Variants in DLGAP2 observed in about 807,000 individuals in gnomAD.
DLGAP2 encodes the protein disks large-associated protein 2.
In DLGAP2, 26 loss-of-function variants were observed where a neutral mutation model predicts 100.3. The observed-to-expected ratio is 0.26, with a 90% CI of 0.19 to 0.36. The LOEUF is 0.36. Among genes scored for constraint, DLGAP2 ranks in the 10% least tolerant of loss-of-function variants. The pLI is 1.00. For synonymous variants in DLGAP2, 886 were observed against 630.1 expected (o/e 1.41, Z -6.08); for missense variants, 1,858 against 1,453.2 (o/e 1.28, Z -4.53).
chr8:1,433,997 C>T (rs1340810902), intron 3 of DLGAP2, among the ~76,000 whole-genome samples: 2 of 152,090 alleles, frequency 1.3e-5, no homozygotes, highest in East Asian at 1.9e-4. Flanking sequence ...AAAGAAGGGA[C>T]TTGGGCATCT....
intron 1 of DLGAP2, among the ~76,000 whole-genome samples, chr8:764,852 A>G (rs1821171589): frequency 6.6e-6 from 1 of 152,202 alleles, no homozygotes; most frequent in Non-Finnish European, 1.5e-5. Context: ...CTTTAAAAAA[A>G]TTTGTACCAA....
At chr8:1,632,262 A>G (rs1490378140) in intron 7 of DLGAP2, among the ~76,000 whole-genome samples, 1 of 152,244 alleles carries the variant, frequency 6.6e-6, no homozygotes, top group Non-Finnish European at 1.5e-5. Context: ...GGACTCAGAT[A>G]TATGCTGCCG....
At chr8:1,262,355 A>T (rs1046273781) in intron 3 of DLGAP2, 28 of 152,358 alleles carry the variant, frequency 1.8e-4, no homozygotes, top group African/African-American at 6.5e-4. Context: ...CTATGTTTTC[A>T]TGAGATAAAA....
chr8:1,174,778 A>C (rs1377445725), intron 2 of DLGAP2, among the ~76,000 whole-genome samples: 1 of 152,200 alleles, frequency 6.6e-6, no homozygotes, highest in African/African-American at 2.4e-5. Context: ...CATTGTCATC[A>C]TCACCACCAT....
intron 1 of DLGAP2, among the ~76,000 whole-genome samples, chr8:848,706 C>T (rs1797116043): frequency 1.3e-4 from 1 of 7,752 alleles, no homozygotes; most frequent in African/African-American, 6.6e-4. Flanking sequence ...TAGGGTCGTG[C>T]GGTGCGTGTT....
intron 3 of DLGAP2, among the ~76,000 whole-genome samples, chr8:1,340,418 A>C (rs1801392792): frequency 6.6e-6 from 1 of 152,210 alleles, no homozygotes; most frequent in Non-Finnish European, 1.5e-5. Context: ...GCGGACAAAC[A>C]ACAGGAACAG....
At chr8:1,285,761 G>T (rs1429974312) in intron 3 of DLGAP2, among the ~76,000 whole-genome samples, 1 of 152,142 alleles carries the variant, frequency 6.6e-6, no homozygotes, top group Non-Finnish European at 1.5e-5. Flanking sequence ...TTAAGCCCAG[G>T]AGTTCAAGAC....
intron 2 of DLGAP2, among the ~76,000 whole-genome samples, chr8:1,005,584 A>AT (rs11370572): frequency 0.29 from 41,772 of 144,846 alleles, 7,093 homozygotes; most frequent in Non-Finnish European, 0.4. Context: ...TGCCCAGCTA[A>AT]TTTTTTTTTT....
Position 976,102 on chromosome 8 carries a change from A to T in DLGAP2, c.73+68136A>T, listed in dbSNP as rs577384180. Among the ~76,000 whole-genome samples, 5 of 152,334 alleles carry T rather than the reference A, an allele frequency of 3.3e-5. No homozygotes were observed. The East Asian group carries it at 9.6e-4, about 29-fold the overall frequency. On this transcript the variant is annotated intron_variant, in intron 2 of 14. Coordinates refer to ENST00000637795, the MANE Select transcript of DLGAP2 (RefSeq NM_001346810.2). ...AGACACAAGATAAAATTAACACCAA[A>T]AATAAAGAAATACTTAGGTATAAAT...
chr8:1,128,586 G>A (rs970834106), intron 2 of DLGAP2, among the ~76,000 whole-genome samples: 7 of 152,180 alleles, frequency 4.6e-5, no homozygotes, highest in African/African-American at 9.7e-5. Flanking sequence ...AGGCTCAATC[G>A]CCGGGTTTGT....
intron 3 of DLGAP2, among the ~76,000 whole-genome samples, chr8:1,484,477 G>A (rs557313431): frequency 3.9e-5 from 6 of 152,366 alleles, no homozygotes; most frequent in South Asian, 2.1e-4. Flanking sequence ...GCCCCAGAGC[G>A]GTGCCCGCCG....
chr8:845,404 C>G (rs1219392494), intron 1 of DLGAP2, among the ~76,000 whole-genome samples: 2 of 152,174 alleles, frequency 1.3e-5, no homozygotes, highest in East Asian at 3.8e-4. Context: ...TTGCATTTCT[C>G]CAATGGCTAA....
chr8:1,523,979 G>A (rs1800704806), intron 4 of DLGAP2, among the ~76,000 whole-genome samples: 1 of 152,198 alleles, frequency 6.6e-6, no homozygotes. Context: ...TTCGTTTGGA[G>A]ACTCCGCCGC....
intron 1 of DLGAP2, among the ~76,000 whole-genome samples, chr8:771,122 G>A (rs1821346120): frequency 6.6e-6 from 1 of 152,140 alleles, no homozygotes; most frequent in African/African-American, 2.4e-5. Context: ...GAATCAAGTA[G>A]TGATTGTAAA....
intron 1 of DLGAP2, among the ~76,000 whole-genome samples, chr8:752,689 C>G (rs550887549): frequency 6.6e-6 from 1 of 152,126 alleles, no homozygotes. Context: ...GATGCCATGG[C>G]GGCCAGGAGG....
chr8:1,577,308 C>A (rs571445144), intron 6 of DLGAP2, among the ~76,000 whole-genome samples: 117 of 152,306 alleles, frequency 7.7e-4, no homozygotes, highest in African/African-American at 2.4e-3. Flanking sequence ...GTGGCTCATG[C>A]CTGTAATCCC....
intron 2 of DLGAP2, among the ~76,000 whole-genome samples, chr8:1,141,104 A>T (rs1796513230): frequency 6.6e-6 from 1 of 152,038 alleles, no homozygotes; most frequent in Non-Finnish European, 1.5e-5. Context: ...TGTGGACAGT[A>T]ATGATGGGGA....
At chr8:1,604,930 T>C (rs1241197129) in intron 6 of DLGAP2, among the ~76,000 whole-genome samples, 1 of 152,226 alleles carries the variant, frequency 6.6e-6, no homozygotes, top group Non-Finnish European at 1.5e-5. Context: ...TACCAGGAGC[T>C]GCTGCAGAAA....
chr8:1,285,924 G>A (rs534425033), intron 3 of DLGAP2, among the ~76,000 whole-genome samples: 25 of 152,304 alleles, frequency 1.6e-4, no homozygotes, highest in South Asian at 2.1e-4. Flanking sequence ...CACCACTGCC[G>A]TCTAGTCTGG....
Sources: allele counts gnomAD v4.1 joint callset (sites outside exome capture counted in the v4.1 genomes callset), GRCh38; gene constraint gnomAD v4.1.1; transcripts MANE v1.5; gene names NCBI Gene and HGNC (gene_info 2026-07-23, HGNC 2026-07-21).